Variants in OSR2 observed in about 807,000 individuals in gnomAD.
OSR2 encodes the protein protein odd-skipped-related 2.
OSR2 carries 8 observed loss-of-function variants against 22.3 expected under a neutral mutation model. The ratio of observed to expected loss-of-function variants is 0.36; its 90% CI spans 0.21 to 0.65. OSR2 has a LOEUF of 0.65. Among genes scored for constraint, OSR2 ranks in the 30% least tolerant of loss-of-function variants. The pLI, the probability that OSR2 is intolerant of heterozygous loss-of-function variation, is 0.66. For synonymous variants in OSR2, 179 were observed against 173.8 expected, an observed-to-expected ratio of 1.03 and a Z score of -0.23; for missense variants, 311 against 413.4, an observed-to-expected ratio of 0.75 and a Z score of 2.15.
At chr8:98,950,032 G>C (rs989446161) in intron 2 of OSR2, among the ~76,000 whole-genome samples, 1 of 150,840 alleles carries the variant, frequency 6.6e-6, no homozygotes, top group Non-Finnish European at 1.5e-5. Context: ...CTGCCGTGGG[G>C]ACCTTTCTTT....
At chr8:98,945,855 A>G (rs1840598998) in intron 1 of OSR2, among the ~76,000 whole-genome samples, 1 of 152,202 alleles carries the variant, frequency 6.6e-6, no homozygotes, top group African/African-American at 2.4e-5. Context: ...GCTGAAATTC[A>G]GTGAGCCTAC....
chr8:98,950,336 T>C (rs936452653), intron 2 of OSR2, among the ~76,000 whole-genome samples: 21 of 152,122 alleles, frequency 1.4e-4, no homozygotes, highest in Non-Finnish European at 4.4e-5. Context: ...CAGCCTTGCC[T>C]TACATCCTGA....
rs766580483 is a variant in OSR2, at chr8:98,948,825, C to T, written c.-114-14C>T. 6 of 1,564,070 alleles carry T rather than the reference C, an allele frequency of 3.8e-6. No individual in the cohort carries two copies. In the South Asian group the frequency reaches 7.0e-5, roughly 18 times the overall value. Reference sequence around the variant, plus strand: ...ATAGTCACGGTCTCTCCCTCTCTTCCCTGCCATTTTTAGGGCTTTCTCTAC... The same window carrying T: ...ATAGTCACGGTCTCTCCCTCTCTTCTCTGCCATTTTTAGGGCTTTCTCTAC... On this transcript the variant is annotated splice_polypyrimidine_tract_variant and intron_variant, in intron 1 of 3. Coordinates refer to ENST00000297565, the MANE Select transcript of OSR2 (RefSeq NM_001142462.3). The surrounding 1 kb of genome is among the most constrained non-coding windows in gnomAD (Gnocchi z 6.0).
chr8:98,948,281 C>T lies in OSR2; in HGVS notation c.-114-558C>T. 6.6e-7 allele frequency: 1 copy of T among 1,517,260 alleles called. No individual in the cohort carries two copies. The highest frequency in any genetic ancestry group is 1.2e-5 in the South Asian group (1 of 82,570). The allele number at this position is 1,517,260 out of a possible 1,614,324, so 94.0% of individuals were successfully genotyped here. Reference sequence around the variant, plus strand: ...CCAGGAGGATGAAGCGCGCCGGCTTCGCTCTTGCACGCCGGCTTGCCATCC... The same window carrying T: ...CCAGGAGGATGAAGCGCGCCGGCTTTGCTCTTGCACGCCGGCTTGCCATCC... On this transcript the variant is annotated intron_variant, in intron 1 of 3. Coordinates refer to ENST00000297565, the MANE Select transcript of OSR2 (RefSeq NM_001142462.3). The surrounding 1 kb of genome is among the most constrained non-coding windows in gnomAD (Gnocchi z 6.0).
Position 98,948,125 on chromosome 8 carries a change from G to A in OSR2, c.-114-714G>A. On this transcript the variant is annotated intron_variant, in intron 1 of 3. Transcript: ENST00000297565. The surrounding 1 kb of genome is among the most constrained non-coding windows in gnomAD (Gnocchi z 6.0). ...AGGGGGCGATTCTAGGCCGAATCCAGCCCCTGAGGTGTCACTTTTCTTTCC... is the reference window on the plus strand; with the variant it reads ...AGGGGGCGATTCTAGGCCGAATCCAACCCCTGAGGTGTCACTTTTCTTTCC... The A allele has an allele frequency of 1.4e-6, 2 of 1,383,022 alleles. No homozygotes were observed. The highest frequency in any genetic ancestry group is 1.9e-6 in the Non-Finnish European group (2 of 1,072,422). The allele number at this position is 1,383,022 out of a possible 1,614,324, so 85.7% of individuals were successfully genotyped here.
At position 98,949,162 on chromosome 8, in the gene OSR2, G is replaced by T. The variant is rs757699123; in HGVS notation, c.210G>T (p.Thr70=). 6.2e-7 allele frequency: 1 copy of T among 1,610,916 alleles called. No homozygotes were observed. Among genetic ancestry groups the T allele is most frequent in the African/African-American group, 1.3e-5 (1 of 74,902 alleles). The change falls in exon 2 of 4, where the codon ACG becomes ACT. Residue 70 remains threonine, a synonymous_variant. Transcript: ENST00000297565. The surrounding 1 kb of genome is among the most constrained non-coding windows in gnomAD (Gnocchi z 5.9). ...ACGAGATCACCCGCTCCACCATCAC[G>T]GAGATGGCGGCGGCGCAGGGCCTCG... ...NVHEITRSTI[T]EMAAAQGLVD...
chr8:98,951,088 C>A, intron 3 of OSR2: 2 of 518,692 alleles, frequency 3.9e-6, no homozygotes, highest in Middle Eastern at 4.9e-4. Flanking sequence ...AAATCCCATA[C>A]GTTCTCTTTC....
In OSR2 at chr8:98,951,378, G is replaced by C. The variant is rs1214255558; in HGVS notation, c.757-141G>C. ...TCATGATTGGAAGATTAGGAGCACG[G>C]ATTTGTTCCTGCAAGTCTCCTCTTT... On this transcript the variant is annotated intron_variant, in intron 3 of 3. Coordinates refer to ENST00000297565, the MANE Select transcript of OSR2 (RefSeq NM_001142462.3). 4 of 797,720 alleles carry C rather than the reference G, an allele frequency of 5.0e-6. No homozygotes were observed. The East Asian group carries it at 1.1e-4, about 21-fold the overall frequency. 49.4% of individuals were successfully genotyped at this position (797,720 alleles called of 1,614,324 possible).
chr8:98,948,837 A>T lies in OSR2; in HGVS notation c.-114-2A>T. 1 of 1,586,558 alleles carries T rather than the reference A, an allele frequency of 6.3e-7. No homozygotes were observed. ...TCTCCCTCTCTTCCCTGCCATTTTT[A>T]GGGCTTTCTCTACGTGCTGTTGTCT... On this transcript the variant is annotated splice_acceptor_variant, in intron 1 of 3. Coordinates refer to ENST00000297565, the MANE Select transcript of OSR2 (RefSeq NM_001142462.3). LOFTEE classifies it low-confidence loss of function (5UTR_SPLICE). The surrounding 1 kb of genome is among the most constrained non-coding windows in gnomAD (Gnocchi z 6.0).
rs1236277545 is a variant in OSR2, at chr8:98,948,889, C to A, written c.-64C>A. 72 of 1,612,820 alleles carry A rather than the reference C, an allele frequency of 4.5e-5. No homozygotes were observed. The highest frequency in any genetic ancestry group is 5.6e-5 in the Non-Finnish European group (66 of 1,179,814). The stretch of plus-strand genomic sequence containing the variant: ...ACTGGGTTTTTGTCGGAGCCCCACG[C>A]CCTCCGGCCTCTGATTCCTGGAAGA... On this transcript the variant is annotated 5_prime_UTR_variant, in exon 2 of 4. Transcript: ENST00000297565. This position sits in a 1 kb window ranked among gnomAD's most constrained non-coding sequence, Gnocchi z 6.0.
intron 1 of OSR2, among the ~76,000 whole-genome samples, chr8:98,947,784 C>T (rs1564123268): frequency 6.6e-6 from 1 of 152,182 alleles, no homozygotes; most frequent in Non-Finnish European, 1.5e-5. Context: ...AGCAGGGCCA[C>T]TCTGTGCTTG....
chr8:98,949,161 C>T lies in OSR2; in HGVS notation c.209C>T (p.Thr70Met), dbSNP rs1840707468. 6.2e-7 allele frequency: 1 copy of T among 1,610,838 alleles called. No individual in the cohort carries two copies. Among genetic ancestry groups the T allele is most frequent in the Non-Finnish European group, 8.5e-7 (1 of 1,178,230 alleles). Residue 70 changes from threonine (T) to methionine (M), a missense_variant, in exon 2 of 4, where the codon ACG becomes ATG. Transcript: ENST00000297565. This position sits in a 1 kb window ranked among gnomAD's most constrained non-coding sequence, Gnocchi z 5.9. ...NVHEITRSTITEMAAAQGLVD... is the reference protein window; with the variant it reads ...NVHEITRSTIMEMAAAQGLVD... ...CACGAGATCACCCGCTCCACCATCA[C>T]GGAGATGGCGGCGGCGCAGGGCCTC...
At position 98,949,062 on chromosome 8, in the gene OSR2, T is replaced by A. The variant is rs1840703092; in HGVS notation, c.110T>A (p.Leu37Gln). 1.9e-6 allele frequency: 3 copies of A among 1,613,836 alleles called. No individual in the cohort carries two copies. The highest frequency in any genetic ancestry group is 2.7e-5 in the African/African-American group (2 of 74,942). ...ACCTTCCCGGCCACGGTGGACCACC[T>A]GCAGGGCCTGTACGGTCTCAGCGCG... is the stretch of plus-strand genomic sequence containing the variant. Reference protein sequence around the residue: ...VNTFPATVDHLQGLYGLSAVQ... With the variant: ...VNTFPATVDHQQGLYGLSAVQ... Residue 37 changes from leucine to glutamine, a missense_variant, in exon 2 of 4, where the codon CTG becomes CAG. Coordinates refer to ENST00000297565, the MANE Select transcript of OSR2 (RefSeq NM_001142462.3). This position sits in a 1 kb window ranked among gnomAD's most constrained non-coding sequence, Gnocchi z 5.9.
chr8:98,949,450 C>A lies in OSR2; in HGVS notation c.498C>A (p.Ser166=), dbSNP rs961657979. ...AGCCCTCTCGAGGAAGGTTGCCCTC[C>A]AAAACGAAAAAAGAGTTTATCTGCA... ...DRKPSRGRLP[S]KTKKEFICKF... The change falls in exon 2 of 4, where the codon TCC becomes TCA. Residue 166 remains serine (S), a synonymous_variant. Coordinates refer to ENST00000297565, the MANE Select transcript of OSR2 (RefSeq NM_001142462.3). This position sits in a 1 kb window ranked among gnomAD's most constrained non-coding sequence, Gnocchi z 5.9. 5 of 1,613,650 alleles carry A rather than the reference C, an allele frequency of 3.1e-6. No homozygotes were observed. Among genetic ancestry groups the A allele is most frequent in the Middle Eastern group, 1.6e-4 (1 of 6,082 alleles).
In OSR2 at chr8:98,951,609, C is replaced by T. The variant is rs1414002675; in HGVS notation, c.847C>T (p.Pro283Ser). The T allele has an allele frequency of 6.2e-7, 1 of 1,613,854 alleles. No individual in the cohort carries two copies. ...THLLTHTDIKPYSCEQCGKVF... is the reference protein window; with the variant it reads ...THLLTHTDIKSYSCEQCGKVF... ...CCTTCTCACCCATACAGACATCAAG[C>T]CCTACAGCTGCGAGCAGTGCGGCAA... is the stretch of plus-strand genomic sequence containing the variant. The change falls in exon 4 of 4, where the codon CCC becomes TCC. Residue 283 changes from proline (P) to serine (S), a missense_variant. Coordinates refer to ENST00000297565, the MANE Select transcript of OSR2 (RefSeq NM_001142462.3).
intron 1 of OSR2, among the ~76,000 whole-genome samples, chr8:98,947,244 C>T (rs933478378): frequency 6.6e-6 from 1 of 151,922 alleles, no homozygotes; most frequent in African/African-American, 2.4e-5. Context: ...AAATCTCTGT[C>T]CCGAGCCCTT....
At chr8:98,950,796 GTTATCATTACTGC>G in intron 3 of OSR2, 41 bp downstream of exon 3, 1 of 1,330,568 alleles carries the variant, frequency 7.5e-7, no homozygotes, top group Non-Finnish European at 1.1e-6. Flanking sequence ...GCTGGTTCGT[GTTATCATTACTGC>G]TTTGCAAAAG....
rs1840781687 is a variant in OSR2 at position 98,951,524 on chromosome 8, T to G, written c.762T>G (p.Ser254=). 1.9e-6 allele frequency: 3 copies of G among 1,583,038 alleles called. No homozygotes were observed. The highest frequency in any genetic ancestry group is 2.6e-6 in the Non-Finnish European group (3 of 1,164,470). ...AVHKTLHMQE[S]PHKCPTCGRT... is the part of the protein sequence containing the mutation. ...CTTGCTTCACATCTGAACAGGAATCTCCACACAAATGTCCCACATGTGGAA... is the reference window on the plus strand; with the variant it reads ...CTTGCTTCACATCTGAACAGGAATCGCCACACAAATGTCCCACATGTGGAA... Residue 254 remains serine (S), a synonymous_variant, in exon 4 of 4, where the codon TCT becomes TCG. Coordinates refer to ENST00000297565, the MANE Select transcript of OSR2 (RefSeq NM_001142462.3).
intron 1 of OSR2, 142 bp downstream of exon 1, chr8:98,944,965 T>G (rs1040445983): frequency 1.3e-5 from 2 of 152,264 alleles, no homozygotes; most frequent in Non-Finnish European, 2.9e-5. Context: ...CCCAGGGCAC[T>G]GTATTTCTCA....
Sources: allele counts gnomAD v4.1 joint callset (sites outside exome capture counted in the v4.1 genomes callset), GRCh38; gene constraint gnomAD v4.1.1; non-coding constraint Gnocchi (gnomAD v3.1); transcripts MANE v1.5; gene names NCBI Gene and HGNC (gene_info 2026-07-23, HGNC 2026-07-21).